SEH1L: variants seen among roughly 807,000 people sequenced by gnomAD.
The protein encoded by SEH1L is SEH1 like nucleoporin, also known as nucleoporin SEH1.
SEH1L carries 18 observed loss-of-function variants against 49.5 expected under a neutral mutation model. The ratio of observed to expected loss-of-function variants is 0.36; its 90% confidence interval spans 0.25 to 0.54. The LOEUF is 0.54. SEH1L is among the 20% of genes least tolerant of loss of function. The probability of loss-of-function intolerance (pLI) is 0.87; values close to 1 mark genes in which losing one functional copy is unlikely to be tolerated. For missense variants in SEH1L, 404 were observed against 528.8 expected, an observed-to-expected ratio of 0.76 and a Z score of 2.31; for synonymous variants, 169 against 178.1, an observed-to-expected ratio of 0.95 and a Z score of 0.41.
intron 4 of SEH1L, among the ~76,000 whole-genome samples, chr18:12,964,766 G>A (rs1244744581): frequency 7.3e-5 from 11 of 149,782 alleles, no homozygotes; most frequent in Admixed American, 6.7e-4. Flanking sequence ...CTCCCAAGTA[G>A]CTGGAATCAC....
Position 12,971,167 on chromosome 18 carries a change from C to T in SEH1L, c.536C>T (p.Ser179Phe), listed in dbSNP as rs765840726. 5 of 1,612,594 alleles carry T rather than the reference C, an allele frequency of 3.1e-6. No homozygotes were observed. Among genetic ancestry groups the T allele is most frequent in the Admixed American group, 1.7e-5 (1 of 59,996 alleles). The change falls in exon 5 of 9, where the codon TCC (serine) becomes TTC (phenylalanine). Residue 179 changes from serine to phenylalanine, a missense_variant. Around this residue, in one of 3 missense-constraint regions of SEH1L, gnomAD observed 342 missense variants for 430.8 expected, o/e 0.79. Coordinates refer to ENST00000399892, the MANE Select transcript of SEH1L (RefSeq NM_001013437.2). ...CCCGTTTCTAGCTCTCGTGCTCATT[C>T]CCCCATGATCGCCGTAGGAAGTGAT... ...SWNPSSSRAHSPMIAVGSDDS... is the reference protein window; with the variant it reads ...SWNPSSSRAHFPMIAVGSDDS...
At chr18:12,968,047 A>G (rs762130922) in intron 4 of SEH1L, among the ~76,000 whole-genome samples, 1 of 152,154 alleles carries the variant, frequency 6.6e-6, no homozygotes, top group Non-Finnish European at 1.5e-5. Context: ...TTTCTCAAAT[A>G]TCAGTTCTTT....
In SEH1L at chr18:12,963,365, C is replaced by T; in HGVS notation, c.515C>T (p.Pro172Leu). 1 of 1,612,456 alleles carries T rather than the reference C, an allele frequency of 6.2e-7. No individual in the cohort carries two copies. Among genetic ancestry groups the T allele is most frequent in the Non-Finnish European group, 8.5e-7 (1 of 1,178,602 alleles). Reference protein sequence around the residue: ...KLSCSCISWNPSSSRAHSPMI... With the variant: ...KLSCSCISWNLSSSRAHSPMI... ...AGCTGTAGTTGTATTTCTTGGAACC[C>T]TTCAAGGTAAGTTTACATATTAAAC... Residue 172 changes from proline to leucine, a missense_variant, in exon 4 of 9, where the codon CCT becomes CTT. This residue lies in a region of SEH1L where 342 missense variants were observed against 430.8 expected (regional missense o/e 0.79). Coordinates refer to ENST00000399892, the MANE Select transcript of SEH1L (RefSeq NM_001013437.2).
chr18:12,980,320 G>A (rs2032151564), intron 6 of SEH1L, among the ~76,000 whole-genome samples: 3 of 130,958 alleles, frequency 2.3e-5, no homozygotes, highest in Admixed American at 7.2e-5. Flanking sequence ...AGGGGCGGCC[G>A]GGCAGAGGCG....
chr18:12,962,072 CT>C (rs2031202219), intron 3 of SEH1L, among the ~76,000 whole-genome samples: 1 of 152,120 alleles, frequency 6.6e-6, no homozygotes, highest in Non-Finnish European at 1.5e-5. Context: ...TTCTACCATT[CT>C]TTTGGTCCCT....
chr18:12,957,066 CAA>C (rs398120193), intron 3 of SEH1L, among the ~76,000 whole-genome samples: 2 of 140,252 alleles, frequency 1.4e-5, no homozygotes, highest in African/African-American at 2.6e-5. Flanking sequence ...AGACTTGTCT[CAA>C]AAAAAAAAAA....
chr18:12,948,288 T>C lies in SEH1L; in HGVS notation c.111+56T>C, dbSNP rs2030242037. The C allele has an allele frequency of 8.9e-6, 11 of 1,230,570 alleles. No individual in the cohort carries two copies. The South Asian group carries it at 1.3e-4, about 15-fold the overall frequency. 76.2% of individuals were successfully genotyped at this position (1,230,570 alleles called of 1,614,324 possible). The stretch of plus-strand genomic sequence containing the variant: ...CCCGGAAGGAAGGAAGGGGAGTGGG[T>C]GGGCGGCGCGGGGAACGGGGCTGTG... On this transcript the variant is annotated intron_variant, in intron 1 of 8. Coordinates refer to ENST00000399892, the MANE Select transcript of SEH1L (RefSeq NM_001013437.2).
chr18:12,958,064 C>CTTTTTTTTTTTTTTTTTTTTTTTTTTT lies in SEH1L; in HGVS notation c.309+2466_309+2492dup. ...TATAACATAATATTCCTCATTTTAA[C>CTTTTTTTTTTTTTTTTTTTTTTTTTTT]TTTTTTTTTTTTTTTTTTTTTTTTT... On this transcript the variant is annotated intron_variant, in intron 3 of 8. Coordinates refer to ENST00000399892, the MANE Select transcript of SEH1L (RefSeq NM_001013437.2). Among the ~76,000 whole-genome samples the CTTTTTTTTTTTTTTTTTTTTTTTTTTT allele has an allele frequency of 3.2e-5, 2 of 62,036 alleles. 1 individual carries two copies. The highest frequency in any genetic ancestry group is 5.6e-5 in the Non-Finnish European group (2 of 35,690). 40.7% of individuals were successfully genotyped at this position (62,036 alleles called of 152,430 possible). A position where few individuals can be genotyped will look rare whatever the true frequency, so the allele number is the denominator to read the frequency against.
intron 3 of SEH1L, among the ~76,000 whole-genome samples, chr18:12,959,831 T>G (rs925745172): frequency 1.3e-5 from 2 of 152,222 alleles, no homozygotes; most frequent in Non-Finnish European, 2.9e-5. Flanking sequence ...CTTCTAAGAT[T>G]GTTATAGAAT....
intron 3 of SEH1L, among the ~76,000 whole-genome samples, chr18:12,960,502 A>G (rs1393915476): frequency 1.3e-5 from 2 of 152,176 alleles, no homozygotes; most frequent in Non-Finnish European, 2.9e-5. Flanking sequence ...CTAATAGCAC[A>G]CTGTTTTAAT....
chr18:12,948,699 GC>G (rs2030283191), intron 1 of SEH1L: 1 of 155,828 alleles, frequency 6.4e-6, no homozygotes, highest in East Asian at 1.9e-4. Flanking sequence ...TGGGTTCAGA[GC>G]AGAAGCTCAC....
At chr18:12,962,287 T>C (rs1031053997) in intron 3 of SEH1L, among the ~76,000 whole-genome samples, 2 of 151,128 alleles carry the variant, frequency 1.3e-5, no homozygotes, top group Non-Finnish European at 2.9e-5. Context: ...TCATCCCAGC[T>C]ACTGGGAAGG....
chr18:12,969,242 GA>G (rs2031590019), intron 4 of SEH1L, among the ~76,000 whole-genome samples: 1 of 111,866 alleles, frequency 8.9e-6, no homozygotes, highest in African/African-American at 4.0e-5. Flanking sequence ...TCACCAAAAA[GA>G]AAAAACAACA....
chr18:12,948,181 C>A lies in SEH1L; in HGVS notation c.60C>A (p.Phe20Leu). The A allele has an allele frequency of 6.2e-7, 1 of 1,612,030 alleles. No homozygotes were observed. Among genetic ancestry groups the A allele is most frequent in the Non-Finnish European group, 8.5e-7 (1 of 1,179,404 alleles). ...DHKDLIHDVS[F>L]DFHGRRMATC... ...AGGATCTCATCCACGATGTCTCTTT[C>A]GACTTCCACGGGCGGCGGATGGCAA... Residue 20 changes from phenylalanine (F) to leucine (L), a missense_variant, in exon 1 of 9, where the codon TTC (phenylalanine) becomes TTA (leucine). Phe to Leu is a conservative substitution (Grantham distance 22). Around this residue, in one of 3 missense-constraint regions of SEH1L, gnomAD observed 57 missense variants for 71.9 expected, o/e 0.79. Transcript: ENST00000399892.
intron 5 of SEH1L, chr18:12,977,729 T>C (rs778596225): frequency 7.3e-5 from 11 of 151,306 alleles, no homozygotes; most frequent in Non-Finnish European, 1.5e-4. Flanking sequence ...AAAACCTCAA[T>C]TCCTGTTACC....
At chr18:12,949,860 C>T (rs2030409564) in intron 1 of SEH1L, among the ~76,000 whole-genome samples, 2 of 152,080 alleles carry the variant, frequency 1.3e-5, no homozygotes, top group Admixed American at 6.6e-5. Context: ...TCATCCTAAA[C>T]TGAAACTCTG....
intron 6 of SEH1L, among the ~76,000 whole-genome samples, chr18:12,981,700 ATATT>A (rs934335815): frequency 1.3e-5 from 2 of 152,178 alleles, no homozygotes; most frequent in Non-Finnish European, 2.9e-5. Context: ...TAATCTATAA[ATATT>A]TAATGACAAG....
intron 2 of SEH1L, among the ~76,000 whole-genome samples, chr18:12,954,788 AT>A (rs554996266): frequency 6.6e-6 from 1 of 152,294 alleles, no homozygotes; most frequent in South Asian, 2.1e-4. Flanking sequence ...AAAAAAAAGT[AT>A]TTTTTTGATT....
intron 1 of SEH1L, among the ~76,000 whole-genome samples, chr18:12,949,442 GTTTTTTTTTTT>G (rs71174155): frequency 0.018 from 951 of 51,752 alleles, 10 homozygotes; most frequent in Middle Eastern, 0.067. Flanking sequence ...TACGTTAACC[GTTTTTTTTTTT>G]TTTTTTTTTT....
Sources: allele counts gnomAD v4.1 joint callset (sites outside exome capture counted in the v4.1 genomes callset), GRCh38; gene constraint gnomAD v4.1.1; regional missense constraint gnomAD v4.1.1; transcripts MANE v1.5; gene names NCBI Gene and HGNC (gene_info 2026-07-23, HGNC 2026-07-21).